GABBR2: variants seen among roughly 807,000 people sequenced by gnomAD.
GABBR2 encodes gamma-aminobutyric acid type B receptor subunit 2.
In GABBR2, 23 loss-of-function variants were observed where a neutral mutation model predicts 105.6. The observed-to-expected ratio is 0.22, with a 90% CI of 0.16 to 0.31. The LOEUF (loss-of-function observed/expected upper bound fraction) is 0.31. Among genes scored for constraint, GABBR2 ranks in the 10% least tolerant of loss-of-function variants. The probability of loss-of-function intolerance (pLI) is 1.00; values close to 1 mark genes in which losing one functional copy is unlikely to be tolerated. For synonymous variants in GABBR2, 478 were observed against 499.7 expected, an observed-to-expected ratio of 0.96 and a Z score of 0.58; for missense variants, 734 against 1,245.5, an observed-to-expected ratio of 0.59 and a Z score of 6.18.
chr9:98,418,553 C>CA (rs911004935), intron 7 of GABBR2, among the ~76,000 whole-genome samples: 2 of 134,638 alleles, frequency 1.5e-5, no homozygotes, highest in African/African-American at 2.7e-5. Flanking sequence ...ACAACAACAA[C>CA]AAAAAAACCC....
At chr9:98,527,800 C>G (rs1271921457) in intron 3 of GABBR2, among the ~76,000 whole-genome samples, 1 of 151,972 alleles carries the variant, frequency 6.6e-6, no homozygotes, top group Non-Finnish European at 1.5e-5. Flanking sequence ...AACAAAAATG[C>G]CAAGAATTAA....
chr9:98,481,297 TC>T (rs1278642619), intron 4 of GABBR2, among the ~76,000 whole-genome samples: 1 of 152,154 alleles, frequency 6.6e-6, no homozygotes, highest in Non-Finnish European at 1.5e-5. Flanking sequence ...CCTTGCAACC[TC>T]CCCTGTTCTC....
intron 13 of GABBR2, among the ~76,000 whole-genome samples, chr9:98,360,102 A>G (rs1189737815): frequency 2.6e-5 from 4 of 151,808 alleles, no homozygotes; most frequent in Non-Finnish European, 5.9e-5. Flanking sequence ...GGGTGTCTGA[A>G]GTAGGTAAGT....
intron 13 of GABBR2, among the ~76,000 whole-genome samples, chr9:98,361,261 C>A (rs1209933264): frequency 6.6e-6 from 1 of 152,138 alleles, no homozygotes; most frequent in Non-Finnish European, 1.5e-5. Flanking sequence ...CACAGCCTCT[C>A]TAGGTTTCTG....
At chr9:98,423,924 G>A (rs989270106) in intron 7 of GABBR2, among the ~76,000 whole-genome samples, 2 of 152,034 alleles carry the variant, frequency 1.3e-5, no homozygotes, top group African/African-American at 4.8e-5. Context: ...GTAGATATGC[G>A]GCGTTATTTC....
chr9:98,414,445 G>A (rs1215065129), intron 7 of GABBR2, among the ~76,000 whole-genome samples: 1 of 152,216 alleles, frequency 6.6e-6, no homozygotes, highest in African/African-American at 2.4e-5. Flanking sequence ...GACCGGCAAG[G>A]TGGACAGGTG....
At chr9:98,538,900 G>C (rs1828233338) in intron 3 of GABBR2, among the ~76,000 whole-genome samples, 1 of 151,712 alleles carries the variant, frequency 6.6e-6, no homozygotes, top group South Asian at 2.1e-4. Context: ...GCACAGAGAG[G>C]AGTCAGCTGG....
chr9:98,378,749 G>A (rs1831921450), intron 11 of GABBR2, among the ~76,000 whole-genome samples: 1 of 152,136 alleles, frequency 6.6e-6, no homozygotes, highest in African/African-American at 2.4e-5. Flanking sequence ...GGAGGGTTGG[G>A]GCAGATAGGA....
intron 1 of GABBR2, chr9:98,607,244 T>C: frequency 6.7e-6 from 9 of 1,335,230 alleles, no homozygotes; most frequent in Non-Finnish European, 8.6e-6. Flanking sequence ...ATAATAAACT[T>C]GAGGACTACG....
At chr9:98,574,711 G>A (rs1828884259) in intron 2 of GABBR2, among the ~76,000 whole-genome samples, 1 of 152,200 alleles carries the variant, frequency 6.6e-6, no homozygotes, top group Non-Finnish European at 1.5e-5. Flanking sequence ...CTCTAGGTTG[G>A]AGGGCTGTCC....
At chr9:98,648,155 A>AGATAGATG (rs1342410321) in intron 1 of GABBR2, among the ~76,000 whole-genome samples, 23 of 151,196 alleles carry the variant, frequency 1.5e-4, no homozygotes, top group African/African-American at 5.4e-4. Context: ...ATAGATAGAT[A>AGATAGATG]GAGTCTTACT....
chr9:98,526,234 A>C (rs982735318), intron 3 of GABBR2, among the ~76,000 whole-genome samples: 4 of 152,184 alleles, frequency 2.6e-5, no homozygotes, highest in African/African-American at 9.6e-5. Context: ...AAGTCTTCAC[A>C]AATATCCTAA....
chr9:98,505,420 C>G (rs1827488560), intron 3 of GABBR2, among the ~76,000 whole-genome samples: 1 of 109,788 alleles, frequency 9.1e-6, no homozygotes. Flanking sequence ...CCAGCTGTAT[C>G]CAGGTGTGTG....
chr9:98,406,241 G>A (rs1832487923), intron 7 of GABBR2, 100 bp from the exon 8 acceptor site: 3 of 616,632 alleles, frequency 4.9e-6, no homozygotes, highest in Admixed American at 3.2e-5. Flanking sequence ...TGTACAATGC[G>A]ATTATTAATA....
intron 7 of GABBR2, among the ~76,000 whole-genome samples, chr9:98,412,656 C>T (rs2131540967): frequency 6.6e-6 from 1 of 152,318 alleles, no homozygotes; most frequent in East Asian, 1.9e-4. Context: ...TCCAATCCCT[C>T]TTCCCCAAAG....
intron 1 of GABBR2, among the ~76,000 whole-genome samples, chr9:98,584,739 A>C (rs2131787648): frequency 6.6e-6 from 1 of 152,344 alleles, no homozygotes; most frequent in African/African-American, 2.4e-5. Flanking sequence ...CCCATCTGAA[A>C]CTGGGAATTA....
At chr9:98,496,392 C>G (rs1441279753) in intron 4 of GABBR2, 21 bp downstream of exon 4, 1 of 1,454,694 alleles carries the variant, frequency 6.9e-7, no homozygotes. Context: ...TGCCATTCAC[C>G]CTGTGGCTAG....
At chr9:98,347,628 T>C (rs1174848138) in intron 13 of GABBR2, among the ~76,000 whole-genome samples, 1 of 152,230 alleles carries the variant, frequency 6.6e-6, no homozygotes, top group Non-Finnish European at 1.5e-5. Flanking sequence ...TTTAAAGTTG[T>C]AGCCATAAAA....
chr9:98,607,468 C>G (rs1829442897), intron 1 of GABBR2: 2 of 571,712 alleles, frequency 3.5e-6, no homozygotes, highest in Admixed American at 6.9e-5. Flanking sequence ...ATGAAAGAAA[C>G]CCAAGAACAT....
Sources: gnomAD v4.1 joint callset for allele counts (sites outside exome capture counted in the v4.1 genomes callset) on GRCh38, gnomAD v4.1.1 for gene constraint, MANE v1.5 for transcripts, NCBI Gene and HGNC (gene_info 2026-07-23, HGNC 2026-07-21) for gene names.